MIS18BP1: variants seen among roughly 807,000 people sequenced by gnomAD.
MIS18BP1 encodes MIS18 binding protein 1.
A neutral mutation model predicts 116.1 loss-of-function variants in MIS18BP1; 72 were observed. The ratio of observed to expected loss-of-function variants is 0.62; its 90% confidence interval spans 0.51 to 0.75. The LOEUF is 0.75. Among genes scored for constraint, MIS18BP1 ranks in the 30% least tolerant of loss-of-function variants. The pLI is 0.00. For missense variants in MIS18BP1, 1,363 were observed against 1,303.2 expected (o/e 1.05, Z -0.71); for synonymous variants, 386 against 427.0 (o/e 0.90, Z 1.18).
At chr14:45,209,639 A>G (rs1890621909) in intron 14 of MIS18BP1, among the ~76,000 whole-genome samples, 3 of 152,150 alleles carry the variant, frequency 2.0e-5, no homozygotes, top group African/African-American at 7.2e-5. Flanking sequence ...TTCTATGACT[A>G]TATAATGGAC....
intron 4 of MIS18BP1, 160 bp downstream of exon 4, chr14:45,241,874 C>A: frequency 1.3e-6 from 1 of 752,816 alleles, no homozygotes; most frequent in Non-Finnish European, 2.1e-6. Flanking sequence ...ACTGTCACTG[C>A]AGTAAATAAT....
Position 45,224,150 on chromosome 14 carries a change from T to C in MIS18BP1, c.2437A>G (p.Ile813Val). The change falls in exon 11 of 17, where the codon ATT becomes GTT. Residue 813 changes from isoleucine (I) to valine (V), a missense_variant. By Grantham distance (29) the Ile-to-Val change is conservative (BLOSUM62 3). Coordinates refer to ENST00000310806, the MANE Select transcript of MIS18BP1 (RefSeq NM_018353.5). ...LRKSTRNTSNIPVILEPETEE... is the reference protein window; with the variant it reads ...LRKSTRNTSNVPVILEPETEE... The stretch of plus-strand genomic sequence containing the variant: ...GTTTCAGGTTCCAAAATCACTGGAA[T>C]ATTACTTGTGTTTCTTGTGCTCTTT... 6.2e-7 allele frequency: 1 copy of C among 1,613,894 alleles called. No homozygotes were observed. The highest frequency in any genetic ancestry group is 8.5e-7 in the Non-Finnish European group (1 of 1,179,950).
intron 14 of MIS18BP1, among the ~76,000 whole-genome samples, chr14:45,208,021 G>A (rs1890567293): frequency 6.6e-6 from 1 of 152,140 alleles, no homozygotes; most frequent in African/African-American, 2.4e-5. Flanking sequence ...AATGGCTGGT[G>A]ATGTGTAAGT....
chr14:45,224,355 A>AT lies in MIS18BP1; in HGVS notation c.2231dup (p.Asn744LysfsTer21). Reference sequence around the variant, plus strand: ...TCTTCAATTTTGGTAATAGTCTGGTATTTTTCTTAAAGTCAGAGGTGAGCA... The same window carrying AT: ...TCTTCAATTTTGGTAATAGTCTGGTATTTTTTCTTAAAGTCAGAGGTGAGCA... On this transcript the variant is annotated frameshift_variant, in exon 11 of 17. Coordinates refer to ENST00000310806, the MANE Select transcript of MIS18BP1 (RefSeq NM_018353.5). LOFTEE classifies it high-confidence loss of function. 6.2e-7 allele frequency: 1 copy of AT among 1,613,462 alleles called. No individual in the cohort carries two copies. Among genetic ancestry groups the AT allele is most frequent in the Non-Finnish European group, 8.5e-7 (1 of 1,179,854 alleles).
intron 14 of MIS18BP1, among the ~76,000 whole-genome samples, chr14:45,208,330 GTTTTTTTTT>G (rs1166566812): frequency 8.3e-6 from 1 of 120,942 alleles, no homozygotes; most frequent in African/African-American, 3.1e-5. Context: ...GGATGAAGTT[GTTTTTTTTT>G]TTTTTTTTTT....
chr14:45,218,191 T>C, intron 12 of MIS18BP1, 91 bp downstream of exon 12: 1 of 1,304,060 alleles, frequency 7.7e-7, no homozygotes, highest in Non-Finnish European at 1.1e-6. Flanking sequence ...TACCTATTAA[T>C]ATTCATGGAT....
intron 3 of MIS18BP1, 121 bp from the exon 4 acceptor site, chr14:45,242,639 C>T (rs1891613482): frequency 3.4e-6 from 5 of 1,460,242 alleles, no homozygotes; most frequent in Non-Finnish European, 4.6e-6. Flanking sequence ...CTGAGTGTCT[C>T]TTTTACGATT....
At chr14:45,208,685 A>G (rs1366507728) in intron 14 of MIS18BP1, among the ~76,000 whole-genome samples, 3 of 152,150 alleles carry the variant, frequency 2.0e-5, no homozygotes, top group Non-Finnish European at 4.4e-5. Flanking sequence ...TTATCAAAAA[A>G]TTTGTCCAAA....
At chr14:45,245,777 T>C (rs998221862) in intron 2 of MIS18BP1, among the ~76,000 whole-genome samples, 1 of 152,242 alleles carries the variant, frequency 6.6e-6, no homozygotes, top group Non-Finnish European at 1.5e-5. Context: ...ATCTCATTGC[T>C]TTTAAAATAC....
intron 4 of MIS18BP1, among the ~76,000 whole-genome samples, 196 bp from the exon 5 acceptor site, chr14:45,237,917 C>G (rs775563393): frequency 2.6e-5 from 4 of 152,088 alleles, no homozygotes; most frequent in Non-Finnish European, 5.9e-5. Flanking sequence ...AAAGAAAAGA[C>G]TGAATTCAGG....
At chr14:45,216,411 T>C (rs1949525126) in intron 13 of MIS18BP1, among the ~76,000 whole-genome samples, 1 of 152,214 alleles carries the variant, frequency 6.6e-6, no homozygotes, top group Non-Finnish European at 1.5e-5. Context: ...TTTACTTTAC[T>C]TTCTTGGATT....
intron 10 of MIS18BP1, among the ~76,000 whole-genome samples, chr14:45,226,177 A>C (rs1015140652): frequency 6.6e-6 from 1 of 152,216 alleles, no homozygotes; most frequent in South Asian, 2.1e-4. Flanking sequence ...TTGGATACTT[A>C]AACCGAATAT....
chr14:45,241,753 C>T (rs773002823), intron 4 of MIS18BP1: 50 of 251,346 alleles, frequency 2.0e-4, no homozygotes, highest in Non-Finnish European at 9.1e-5. Context: ...ATGTTCATCA[C>T]CAAAAGGAAC....
intron 11 of MIS18BP1, among the ~76,000 whole-genome samples, chr14:45,221,255 G>A (rs1347292915): frequency 5.3e-5 from 8 of 151,960 alleles, no homozygotes; most frequent in South Asian, 2.1e-4. Context: ...TGGCTAACAC[G>A]GTGAAACCCC....
chr14:45,238,457 G>GT (rs1210556296), intron 4 of MIS18BP1, among the ~76,000 whole-genome samples: 1 of 152,160 alleles, frequency 6.6e-6, no homozygotes, highest in East Asian at 1.9e-4. Context: ...TCCAGTGGTA[G>GT]TTTTATACTG....
At chr14:45,218,254 G>GA in intron 12 of MIS18BP1, 28 bp downstream of exon 12, 1 of 1,604,096 alleles carries the variant, frequency 6.2e-7, no homozygotes, top group Non-Finnish European at 8.5e-7. Flanking sequence ...TGAGTACTAG[G>GA]AAAAAAACTA....
rs750619922 is a variant in MIS18BP1, at chr14:45,217,057, A to C, written c.2965T>G (p.Phe989Val). The C allele has an allele frequency of 6.2e-6, 10 of 1,614,104 alleles. No homozygotes were observed. The South Asian group carries it at 9.9e-5, about 16-fold the overall frequency. Residue 989 changes from phenylalanine (F) to valine (V), a missense_variant, in exon 13 of 17, where the codon TTT (phenylalanine) becomes GTT (valine). Coordinates refer to ENST00000310806, the MANE Select transcript of MIS18BP1 (RefSeq NM_018353.5). ...TGCTGTAAAGGTGTTGTACTGAAAA[A>C]ATCATCATGGTCATCTTTTGGCAAC... ...EQLPKDDHDD[F>V]FSTTPLQHQR... is the part of the protein sequence containing the mutation.
At chr14:45,226,380 A>AT (rs1470850813) in intron 10 of MIS18BP1, among the ~76,000 whole-genome samples, 1 of 152,220 alleles carries the variant, frequency 6.6e-6, no homozygotes, top group Admixed American at 6.5e-5. Context: ...GGCATGCAGG[A>AT]TTCCAATTAA....
chr14:45,212,599 A>C (rs1421793760), intron 13 of MIS18BP1, among the ~76,000 whole-genome samples: 1 of 152,252 alleles, frequency 6.6e-6, no homozygotes, highest in African/African-American at 2.4e-5. Flanking sequence ...ATTGGTGATC[A>C]GCAGCTTCCT....
Sources: allele counts gnomAD v4.1 joint callset (sites outside exome capture counted in the v4.1 genomes callset), GRCh38; gene constraint gnomAD v4.1.1; transcripts MANE v1.5; gene names NCBI Gene and HGNC (gene_info 2026-07-23, HGNC 2026-07-21).